ABLIM1: variants seen among roughly 807,000 people sequenced by gnomAD.
ABLIM1 encodes actin-binding LIM protein 1.
A neutral mutation model predicts 107.0 loss-of-function variants in ABLIM1; 40 were observed. The observed-to-expected ratio is 0.37, with a 90% CI of 0.29 to 0.49. The LOEUF (loss-of-function observed/expected upper bound fraction) is 0.49, where lower values mean the gene tolerates loss of function less well. Among genes scored for constraint, ABLIM1 ranks in the 20% least tolerant of loss-of-function variants. The pLI is 0.97. For synonymous variants in ABLIM1, 357 were observed against 357.3 expected (o/e 1.00, Z 0.01); for missense variants, 857 against 1,008.5 (o/e 0.85, Z 2.04).
intron 1 of ABLIM1, among the ~76,000 whole-genome samples, chr10:114,720,414 G>T (rs565094559): frequency 6.6e-6 from 1 of 152,250 alleles, no homozygotes; most frequent in South Asian, 2.1e-4. Context: ...GAGTCAAATG[G>T]TATTTCTGGT....
chr10:114,579,771 A>G (rs560956535), intron 2 of ABLIM1, among the ~76,000 whole-genome samples: 4 of 152,210 alleles, frequency 2.6e-5, no homozygotes, highest in Admixed American at 6.5e-5. Context: ...AGCCCTGGGC[A>G]ACCCCATTCT....
In ABLIM1 at chr10:114,584,326, A is replaced by G. The variant is rs888490537; in HGVS notation, c.380-8727T>C. On this transcript the variant is annotated intron_variant, in intron 2 of 22. Coordinates refer to ENST00000533213, the MANE Select transcript of ABLIM1 (RefSeq NM_002313.7). Reference sequence around the variant, plus strand: ...TCCCATCTTCTGCCTCTGTCCCCCAACTAAATTTTTTTAAAGTTTTATTTC... The same window carrying G: ...TCCCATCTTCTGCCTCTGTCCCCCAGCTAAATTTTTTTAAAGTTTTATTTC... Among the ~76,000 whole-genome samples, 4 of 152,046 alleles carry G rather than the reference A, an allele frequency of 2.6e-5. No individual in the cohort carries two copies. In the South Asian group the frequency reaches 6.2e-4, roughly 24 times the overall value.
chr10:114,744,054 T>C (rs2082336509), intron 1 of ABLIM1, among the ~76,000 whole-genome samples: 1 of 152,110 alleles, frequency 6.6e-6, no homozygotes, highest in Non-Finnish European at 1.5e-5. Context: ...GACCATGAGA[T>C]GTGGCGTGGG....
Position 114,437,871 on chromosome 10 carries a change from G to A in ABLIM1, c.2196C>T (p.Leu732=), listed in dbSNP as rs1426293818. The part of the protein sequence containing the change: ...MVTNRGRNKI[L]REVDRTRLER... ...CCAGCCTGGTTCTGTCCACCTCTCTGAGGATTTTGTTTCGCCCTCTGTTGG... is the reference window on the plus strand; with the variant it reads ...CCAGCCTGGTTCTGTCCACCTCTCTAAGGATTTTGTTTCGCCCTCTGTTGG... Residue 732 remains leucine, a synonymous_variant, in exon 22 of 23, where the codon CTC becomes CTT. Transcript: ENST00000533213. 1 of 1,614,086 alleles carries A rather than the reference G, an allele frequency of 6.2e-7. No homozygotes were observed. The highest frequency in any genetic ancestry group is 8.5e-7 in the Non-Finnish European group (1 of 1,180,016).
intron 6 of ABLIM1, among the ~76,000 whole-genome samples, chr10:114,505,982 A>G (rs1345253366): frequency 6.6e-6 from 1 of 152,188 alleles, no homozygotes; most frequent in Non-Finnish European, 1.5e-5. Context: ...TAAGCATAGT[A>G]ACTGATGGGT....
chr10:114,564,216 G>A (rs1399680078), intron 4 of ABLIM1, among the ~76,000 whole-genome samples: 3 of 151,722 alleles, frequency 2.0e-5, no homozygotes, highest in Non-Finnish European at 4.4e-5. Flanking sequence ...CACTTCTCAA[G>A]ACACACAATA....
intron 1 of ABLIM1, chr10:114,613,764 G>C (rs78694802): frequency 0.012 from 16,019 of 1,300,974 alleles, 127 homozygotes; most frequent in Non-Finnish European, 0.014. Context: ...ACACATTCTA[G>C]AACTACTCTC....
At chr10:114,787,957 G>A in the ABLIM1 span, among the ~76,000 whole-genome samples, 5 of 142,938 alleles carry the variant, frequency 3.5e-5, no homozygotes, top group East Asian at 8.3e-4. Context: ...AGGTAGACAT[G>A]GGAGACTTTT....
chr10:114,798,625 C>T, the ABLIM1 span, among the ~76,000 whole-genome samples: 2 of 149,218 alleles, frequency 1.3e-5, no homozygotes, highest in African/African-American at 4.9e-5. Flanking sequence ...ATCTATAGTC[C>T]CAGCTACTTG....
intron 6 of ABLIM1, among the ~76,000 whole-genome samples, chr10:114,531,303 A>AGAT: frequency 6.6e-6 from 1 of 152,348 alleles, no homozygotes; most frequent in South Asian, 2.1e-4. Context: ...GCACTGTCTC[A>AGAT]GATGACTCTT....
At chr10:114,784,947 AT>A in the ABLIM1 span, among the ~76,000 whole-genome samples, 1 of 151,352 alleles carries the variant, frequency 6.6e-6, no homozygotes, top group Admixed American at 6.6e-5. Flanking sequence ...GTGTTTTCTA[AT>A]TTTTTCATTG....
At chr10:114,576,638 G>T (rs2072605189) in intron 2 of ABLIM1, among the ~76,000 whole-genome samples, 2 of 152,202 alleles carry the variant, frequency 1.3e-5, no homozygotes, top group Admixed American at 1.3e-4. Context: ...ATGAACTAGG[G>T]CTTCAGTAAG....
At chr10:114,715,740 G>A (rs752797664) in intron 1 of ABLIM1, among the ~76,000 whole-genome samples, 7 of 152,036 alleles carry the variant, frequency 4.6e-5, no homozygotes, top group Non-Finnish European at 1.0e-4. Flanking sequence ...TTAATACATA[G>A]AGCGTTTGGC....
chr10:114,584,922 T>C (rs1399462428), intron 2 of ABLIM1, among the ~76,000 whole-genome samples: 1 of 152,174 alleles, frequency 6.6e-6, no homozygotes, highest in African/African-American at 2.4e-5. Context: ...TTTAACCTGT[T>C]GTAGAACTTC....
chr10:114,466,818 CA>C (rs1399504010), intron 11 of ABLIM1, among the ~76,000 whole-genome samples: 2 of 152,032 alleles, frequency 1.3e-5, no homozygotes, highest in Non-Finnish European at 2.9e-5. Flanking sequence ...TTCATAAAGG[CA>C]AAAATTTGCG....
intron 1 of ABLIM1, among the ~76,000 whole-genome samples, chr10:114,759,255 T>C (rs900714047): frequency 1.2e-4 from 18 of 152,180 alleles, no homozygotes; most frequent in Admixed American, 7.2e-4. Context: ...AATCATACAA[T>C]ATGCTGGAAA....
chr10:114,797,872 T>C, the ABLIM1 span, among the ~76,000 whole-genome samples: 2 of 152,212 alleles, frequency 1.3e-5, no homozygotes, highest in African/African-American at 4.8e-5. Context: ...GACCTGGTAT[T>C]ATGAAGTTAT....
intron 2 of ABLIM1, among the ~76,000 whole-genome samples, chr10:114,589,221 T>G (rs957838582): frequency 6.6e-6 from 1 of 150,552 alleles, no homozygotes; most frequent in Non-Finnish European, 1.5e-5. Flanking sequence ...GTGTGTGTTT[T>G]TTTTTTTTTT....
At chr10:114,616,211 T>G (rs1283772079) in intron 1 of ABLIM1, among the ~76,000 whole-genome samples, 1 of 152,122 alleles carries the variant, frequency 6.6e-6, no homozygotes, top group African/African-American at 2.4e-5. Context: ...ACAAATATGC[T>G]TATAATGCAT....
Sources: gnomAD v4.1 joint callset for allele counts (sites outside exome capture counted in the v4.1 genomes callset) on GRCh38, gnomAD v4.1.1 for gene constraint, MANE v1.5 for transcripts, NCBI Gene and HGNC (gene_info 2026-07-23, HGNC 2026-07-21) for gene names.